YAP1: variants seen among roughly 807,000 people sequenced by gnomAD.
YAP1 encodes transcriptional coactivator YAP1.
A neutral mutation model predicts 56.9 loss-of-function variants in YAP1; 5 were observed. That is an observed-to-expected ratio of 0.09 (90% CI 0.05 to 0.18). The LOEUF is 0.18. YAP1 is among the 10% of genes least tolerant of loss of function. The pLI is 1.00. For missense variants in YAP1, 539 were observed against 651.8 expected (o/e 0.83, Z 1.88); for synonymous variants, 265 against 248.1 (o/e 1.07, Z -0.64).
At chr11:102,218,733 T>G (rs1949778096) in intron 6 of YAP1, among the ~76,000 whole-genome samples, 1 of 152,216 alleles carries the variant, frequency 6.6e-6, no homozygotes, top group African/African-American at 2.4e-5. Context: ...GGGTCGGATA[T>G]CTCCTTAGGT....
chr11:102,126,630 T>C (rs944910928), intron 2 of YAP1, among the ~76,000 whole-genome samples: 3 of 152,230 alleles, frequency 2.0e-5, no homozygotes, highest in Admixed American at 6.5e-5. Flanking sequence ...TGGGTATGTC[T>C]TTATCAGTAG....
At position 102,231,279 on chromosome 11, in the gene YAP1, G is replaced by A. The variant is rs1253216244; in HGVS notation, c.*1339G>A. 1 of 152,188 alleles carries A rather than the reference G, an allele frequency of 6.6e-6. No homozygotes were observed. 9.4% of individuals were successfully genotyped at this position (152,188 alleles called of 1,614,324 possible). ...CTTTATAGTGGTTTACCTTCATTTA[G>A]CTTTGGAAGTTTTCTTTGCCTTAGT... On this transcript the variant is annotated 3_prime_UTR_variant, in exon 9 of 9. Transcript: ENST00000282441.
chr11:102,143,328 A>G (rs1016813792), intron 2 of YAP1, among the ~76,000 whole-genome samples: 18 of 152,216 alleles, frequency 1.2e-4, no homozygotes, highest in African/African-American at 4.1e-4. Flanking sequence ...AGAATTAAGT[A>G]CTGTTGCAGA....
rs1049335614 is a variant in YAP1 at position 102,119,703 on chromosome 11, A to T, written c.572+5309A>T. On this transcript the variant is annotated intron_variant, in intron 2 of 8. Transcript: ENST00000282441. The stretch of plus-strand genomic sequence containing the variant: ...TAAGTCCTCTTTAGTTATGTAGAGA[A>T]ATATTTTACTTTGTAGTTAGAAAAA... Among the ~76,000 whole-genome samples the T allele has an allele frequency of 2.0e-5, 3 of 152,038 alleles. No homozygotes were observed. In the South Asian group the frequency reaches 6.2e-4, roughly 32 times the overall value.
chr11:102,158,643 C>T (rs1051812522), intron 2 of YAP1, among the ~76,000 whole-genome samples: 2 of 152,246 alleles, frequency 1.3e-5, no homozygotes, highest in Middle Eastern at 3.4e-3. Flanking sequence ...TATCACAGTA[C>T]CAGTATCAAT....
chr11:102,115,400 A>G (rs1436299268), intron 2 of YAP1, among the ~76,000 whole-genome samples: 2 of 152,184 alleles, frequency 1.3e-5, no homozygotes, highest in African/African-American at 4.8e-5. Context: ...ACCAGATAAC[A>G]CCATTAAGGA....
In YAP1 at chr11:102,231,556, A is replaced by C. The variant is rs1185824491; in HGVS notation, c.*1616A>C. 6.6e-6 allele frequency: 1 copy of C among 152,646 alleles called. No homozygotes were observed. The highest frequency in any genetic ancestry group is 1.5e-5 in the Non-Finnish European group (1 of 68,032). 9.5% of individuals were successfully genotyped at this position (152,646 alleles called of 1,614,324 possible). On this transcript the variant is annotated 3_prime_UTR_variant, in exon 9 of 9. Coordinates refer to ENST00000282441, the MANE Select transcript of YAP1 (RefSeq NM_001130145.3). ...TGATTATACCTTTATTTTTACAGGA[A>C]GAGATGATGTAACTAGAGTATGTGT... is the stretch of plus-strand genomic sequence containing the variant.
intron 2 of YAP1, among the ~76,000 whole-genome samples, chr11:102,123,969 T>G (rs1943869683): frequency 6.7e-6 from 1 of 148,494 alleles, no homozygotes; most frequent in South Asian, 2.2e-4. Flanking sequence ...TTTGTTTTTT[T>G]GAGATGGAGT....
At chr11:102,224,831 G>T (rs775558014) in intron 7 of YAP1, among the ~76,000 whole-genome samples, 1 of 152,178 alleles carries the variant, frequency 6.6e-6, no homozygotes, top group Non-Finnish European at 1.5e-5. Flanking sequence ...TTAAACTGAG[G>T]CTAATTAAGA....
chr11:102,123,322 TCCTGC>T (rs1437744822), intron 2 of YAP1, among the ~76,000 whole-genome samples: 2 of 152,202 alleles, frequency 1.3e-5, no homozygotes, highest in African/African-American at 4.8e-5. Context: ...TCTTTTGTTT[TCCTGC>T]TCTGTGCTAG....
At chr11:102,219,997 G>A (rs996620932) in intron 6 of YAP1, among the ~76,000 whole-genome samples, 16 of 151,842 alleles carry the variant, frequency 1.1e-4, no homozygotes, top group African/African-American at 2.7e-4. Flanking sequence ...GCCTCCCAAA[G>A]TGCTGGGATT....
chr11:102,166,556 G>A lies in YAP1; in HGVS notation c.688+3985G>A, dbSNP rs139973393. On this transcript the variant is annotated intron_variant, in intron 3 of 8. Coordinates refer to ENST00000282441, the MANE Select transcript of YAP1 (RefSeq NM_001130145.3). The stretch of plus-strand genomic sequence containing the variant: ...GTGAGAGCATGTAAGTAAATTTTGA[G>A]GGTATTTAATGTAACAAAGCAGAAA... 3.2e-3 allele frequency among the ~76,000 whole-genome samples: 483 copies of A among 152,292 alleles called. 8 individuals carry two copies. The highest frequency in any genetic ancestry group is 0.011 in the African/African-American group (450 of 41,554).
rs895915724 is a variant in YAP1 at position 102,213,161 on chromosome 11, G to A, written c.1032+3597G>A. ...GGAAAGATAGTCCCCCCTGAGGTGCGAACACTTCTACCTTCTCTTGTGCTT... is the reference window on the plus strand; with the variant it reads ...GGAAAGATAGTCCCCCCTGAGGTGCAAACACTTCTACCTTCTCTTGTGCTT... On this transcript the variant is annotated intron_variant, in intron 6 of 8. Coordinates refer to ENST00000282441, the MANE Select transcript of YAP1 (RefSeq NM_001130145.3). Among the ~76,000 whole-genome samples the A allele has an allele frequency of 5.3e-5, 8 of 152,104 alleles. No homozygotes were observed. In the South Asian group the frequency reaches 6.2e-4, roughly 12 times the overall value.
intron 3 of YAP1, among the ~76,000 whole-genome samples, chr11:102,184,590 G>T (rs963815924): frequency 1.3e-5 from 2 of 152,176 alleles, no homozygotes; most frequent in Non-Finnish European, 2.9e-5. Context: ...TGAAAATGCA[G>T]CTGCAAATTG....
chr11:102,117,625 T>C (rs1943372546), intron 2 of YAP1, among the ~76,000 whole-genome samples: 1 of 152,178 alleles, frequency 6.6e-6, no homozygotes, highest in African/African-American at 2.4e-5. Context: ...TTCGTTGTTT[T>C]AAAGCCCTCC....
At chr11:102,139,883 A>G (rs1452223600) in intron 2 of YAP1, among the ~76,000 whole-genome samples, 1 of 152,066 alleles carries the variant, frequency 6.6e-6, no homozygotes, top group Non-Finnish European at 1.5e-5. Context: ...TTTTTTTTTA[A>G]ATGGTGACAG....
At chr11:102,121,438 C>CAAAAA in intron 2 of YAP1, among the ~76,000 whole-genome samples, 1 of 144,574 alleles carries the variant, frequency 6.9e-6, no homozygotes, top group South Asian at 2.2e-4. Context: ...GACCTTGTCT[C>CAAAAA]AAAAAAAAAA....
At chr11:102,173,039 G>A (rs1947009874) in intron 3 of YAP1, among the ~76,000 whole-genome samples, 1 of 152,176 alleles carries the variant, frequency 6.6e-6, no homozygotes, top group Non-Finnish European at 1.5e-5. Context: ...CATGGTATCA[G>A]TAACTTTTTA....
rs1436983416 is a variant in YAP1, at chr11:102,191,335, T to TA, written c.802+5205dup. 1.2e-4 allele frequency among the ~76,000 whole-genome samples: 18 copies of TA among 152,114 alleles called. No homozygotes were observed. In the East Asian group the frequency reaches 2.9e-3, roughly 25 times the overall value. On this transcript the variant is annotated intron_variant, in intron 4 of 8. Transcript: ENST00000282441. ...AAGTGCCATAGCACCACACAGCCAT[T>TA]ACGATTCCTCGGACCACCAACACTT...
Sources: gnomAD v4.1 joint callset for allele counts (sites outside exome capture counted in the v4.1 genomes callset) on GRCh38, gnomAD v4.1.1 for gene constraint, MANE v1.5 for transcripts, NCBI Gene and HGNC (gene_info 2026-07-23, HGNC 2026-07-21) for gene names.